Variants in GRAMD1B observed in about 807,000 individuals in gnomAD.
GRAMD1B encodes the protein GRAM domain containing 1B.
In GRAMD1B, 37 loss-of-function variants were observed where a neutral mutation model predicts 99.7. That is an observed-to-expected ratio of 0.37 (90% CI 0.29 to 0.49). GRAMD1B has a LOEUF of 0.49. Ranked by LOEUF, GRAMD1B falls within the 20% of genes least tolerant of loss-of-function variation. GRAMD1B has a pLI of 0.98. For synonymous variants in GRAMD1B, 427 were observed against 387.6 expected (o/e 1.10, Z -1.19); for missense variants, 888 against 1,009.2 (o/e 0.88, Z 1.63).
intron 4 of GRAMD1B, among the ~76,000 whole-genome samples, chr11:123,589,532 C>T (rs1197024530): frequency 6.6e-6 from 1 of 151,456 alleles, no homozygotes; most frequent in Non-Finnish European, 1.5e-5. Flanking sequence ...CAACCTCCAC[C>T]TCTGAGGTTC....
At chr11:123,443,077 T>A (rs1949484338) in intron 1 of GRAMD1B, among the ~76,000 whole-genome samples, 1 of 152,170 alleles carries the variant, frequency 6.6e-6, no homozygotes, top group Non-Finnish European at 1.5e-5. Context: ...TCCTATCTTA[T>A]CCTGTGACTA....
chr11:123,476,050 A>G (rs1227480570), intron 1 of GRAMD1B, among the ~76,000 whole-genome samples: 1 of 151,822 alleles, frequency 6.6e-6, no homozygotes, highest in Non-Finnish European at 1.5e-5. Flanking sequence ...CTGCTCAACA[A>G]TATTATTTCA....
rs1232437141 is a variant in GRAMD1B, at chr11:123,492,858, T to A, written c.452+11965T>A. On this transcript the variant is annotated intron_variant, in intron 2 of 19. Transcript: ENST00000635736. The surrounding 1 kb of genome is among the most constrained non-coding windows in gnomAD (Gnocchi z 4.2). ...CTCTCTCTCTCTCTGTCTCTCTCTTTCACACATACACACACACACACACAC... is the reference window on the plus strand; with the variant it reads ...CTCTCTCTCTCTCTGTCTCTCTCTTACACACATACACACACACACACACAC... 2.1e-4 allele frequency among the ~76,000 whole-genome samples: 28 copies of A among 131,700 alleles called. No homozygotes were observed. Among genetic ancestry groups the A allele is most frequent in the African/African-American group, 6.4e-4 (23 of 36,192 alleles). 86.4% of individuals were successfully genotyped at this position (131,700 alleles called of 152,430 possible). A position where few individuals can be genotyped will look rare whatever the true frequency, so the allele number is the denominator to read the frequency against.
chr11:123,594,878 C>A, intron 6 of GRAMD1B, 40 bp downstream of exon 6: 1 of 1,061,758 alleles, frequency 9.4e-7, no homozygotes, highest in Non-Finnish European at 1.5e-6. Context: ...GTCTCCTTGG[C>A]TATGGCTGAG....
intron 1 of GRAMD1B, among the ~76,000 whole-genome samples, chr11:123,384,512 G>A (rs542073219): frequency 6.6e-6 from 1 of 152,270 alleles, no homozygotes; most frequent in East Asian, 1.9e-4. Context: ...GCACACAAGT[G>A]TAGATGTTGC....
Position 123,619,207 on chromosome 11 carries a change from G to A in GRAMD1B, c.2527G>A (p.Val843Met). The A allele has an allele frequency of 6.4e-7, 1 of 1,561,196 alleles. No individual in the cohort carries two copies. Among genetic ancestry groups the A allele is most frequent in the South Asian group, 1.2e-5 (1 of 84,430 alleles). ...QKWREIIKSS[V>M]MLLDQMKDSL... ...ATGGAGGGAAATCATCAAATCCTCA[G>A]TGATGCTCCTTGACCAGGTGAGATG... The change falls in exon 19 of 20, where the codon GTG becomes ATG. Residue 843 changes from valine to methionine, a missense_variant. Val to Met is a conservative substitution (Grantham distance 21). Around this residue, in one of 5 missense-constraint regions of GRAMD1B, gnomAD observed 232 missense variants for 261.7 expected, o/e 0.89. Coordinates refer to ENST00000635736, the MANE Select transcript of GRAMD1B (RefSeq NM_001387025.1).
At chr11:123,521,760 G>A (rs1942213461) in intron 2 of GRAMD1B, among the ~76,000 whole-genome samples, 2 of 152,212 alleles carry the variant, frequency 1.3e-5, no homozygotes, top group African/African-American at 4.8e-5. Context: ...TACAGTGAGA[G>A]TGTAGTCCAC....
intron 2 of GRAMD1B, among the ~76,000 whole-genome samples, chr11:123,558,199 G>T (rs1946357374): frequency 6.6e-6 from 1 of 151,700 alleles, no homozygotes; most frequent in South Asian, 2.1e-4. Flanking sequence ...GGCCAGGCTG[G>T]TCTAAAACTC....
At chr11:123,551,375 A>G (rs1021240176) in intron 2 of GRAMD1B, among the ~76,000 whole-genome samples, 2 of 152,212 alleles carry the variant, frequency 1.3e-5, no homozygotes, top group Non-Finnish European at 2.9e-5. Flanking sequence ...TATCATGCCC[A>G]GGCGAAACCT....
chr11:123,447,108 G>GAA (rs909150305), intron 1 of GRAMD1B, among the ~76,000 whole-genome samples: 3 of 151,152 alleles, frequency 2.0e-5, no homozygotes, highest in African/African-American at 4.9e-5. Context: ...ACTAAAGCAT[G>GAA]AAAAAAAAAT....
chr11:123,511,396 C>T (rs759760401), intron 2 of GRAMD1B, among the ~76,000 whole-genome samples: 1 of 152,118 alleles, frequency 6.6e-6, no homozygotes, highest in Non-Finnish European at 1.5e-5. Flanking sequence ...CTGGGTGCTG[C>T]GCTGCTCAAA....
At chr11:123,580,296 C>G (rs149750305) in intron 3 of GRAMD1B, among the ~76,000 whole-genome samples, 387 of 152,234 alleles carry the variant, frequency 2.5e-3, no homozygotes, top group African/African-American at 9.0e-3. Flanking sequence ...GATGGTGCGG[C>G]AAAAAGAGGA....
At chr11:123,551,101 C>T (rs532800783) in intron 2 of GRAMD1B, among the ~76,000 whole-genome samples, 11 of 152,308 alleles carry the variant, frequency 7.2e-5, no homozygotes, top group Admixed American at 2.0e-4. Flanking sequence ...TCAACTCTCA[C>T]GCACCTGCTT....
chr11:123,516,405 G>A (rs1440196800), intron 2 of GRAMD1B, among the ~76,000 whole-genome samples: 1 of 152,198 alleles, frequency 6.6e-6, no homozygotes, highest in Non-Finnish European at 1.5e-5. Flanking sequence ...GACTGGAAAT[G>A]AAACTGTTTA....
chr11:123,534,160 A>C (rs558269971), intron 2 of GRAMD1B, among the ~76,000 whole-genome samples: 1 of 152,392 alleles, frequency 6.6e-6, no homozygotes, highest in East Asian at 1.9e-4. Context: ...ACAGTCAATT[A>C]ACACATTTTT....
chr11:123,467,475 C>T (rs1421995491), intron 1 of GRAMD1B, among the ~76,000 whole-genome samples: 2 of 137,528 alleles, frequency 1.5e-5, no homozygotes, highest in Non-Finnish European at 3.0e-5. Context: ...CCCACCTTCT[C>T]ATGGAGGCGC....
chr11:123,573,066 G>A (rs1315214501), intron 2 of GRAMD1B, among the ~76,000 whole-genome samples: 7 of 151,104 alleles, frequency 4.6e-5, no homozygotes, highest in Admixed American at 3.3e-4. Context: ...AGGCCCCGAT[G>A]GCTGGGGCAG....
intron 1 of GRAMD1B, among the ~76,000 whole-genome samples, chr11:123,432,834 A>G (rs986272540): frequency 6.6e-6 from 1 of 152,134 alleles, no homozygotes; most frequent in Non-Finnish European, 1.5e-5. Context: ...GAGGAGTAGG[A>G]TCCGTTATGC....
At chr11:123,580,181 A>T (rs564244505) in intron 3 of GRAMD1B, among the ~76,000 whole-genome samples, 8 of 152,192 alleles carry the variant, frequency 5.3e-5, no homozygotes, top group Non-Finnish European at 1.0e-4. Flanking sequence ...GCTGGGAGCC[A>T]TTGCATTGGC....
Sources: gnomAD v4.1 joint callset for allele counts (sites outside exome capture counted in the v4.1 genomes callset) on GRCh38, gnomAD v4.1.1 for gene constraint, gnomAD v4.1.1 regional missense constraint, Gnocchi (gnomAD v3.1) non-coding constraint, MANE v1.5 for transcripts, NCBI Gene and HGNC (gene_info 2026-07-23, HGNC 2026-07-21) for gene names.